Variants in METTL8 observed in about 807,000 individuals in gnomAD.
METTL8 encodes methyltransferase 8, tRNA N3-cytidine.
In METTL8, 32 loss-of-function variants were observed where a neutral mutation model predicts 48.7. The ratio of observed to expected loss-of-function variants is 0.66; its 90% CI spans 0.50 to 0.88. METTL8 has a LOEUF of 0.88. Ranked by LOEUF, METTL8 falls within the 40% of genes least tolerant of loss-of-function variation. The pLI, the probability that METTL8 is intolerant of heterozygous loss-of-function variation, is 0.00. For synonymous variants in METTL8, 136 were observed against 157.1 expected (o/e 0.87, Z 1.01); for missense variants, 464 against 474.4 (o/e 0.98, Z 0.20).
chr2:171,342,206 C>T (rs550215738), intron 3 of METTL8, among the ~76,000 whole-genome samples: 1 of 152,288 alleles, frequency 6.6e-6, no homozygotes. Flanking sequence ...TGGATCTCCA[C>T]CCATCTGGCC....
chr2:171,386,511 C>A (rs980398612), intron 2 of METTL8, among the ~76,000 whole-genome samples: 10 of 152,186 alleles, frequency 6.6e-5, no homozygotes, highest in African/African-American at 2.4e-4. Flanking sequence ...CGCCTGTAAT[C>A]CCAGTACTTT....
intron 1 of METTL8, among the ~76,000 whole-genome samples, chr2:171,410,574 G>A (rs753018615): frequency 6.6e-6 from 1 of 152,164 alleles, no homozygotes; most frequent in Non-Finnish European, 1.5e-5. Flanking sequence ...CTTCAAATAA[G>A]TGACTTTAAG....
At chr2:171,351,477 T>C (rs1255317076) in intron 3 of METTL8, among the ~76,000 whole-genome samples, 3 of 152,100 alleles carry the variant, frequency 2.0e-5, no homozygotes, top group African/African-American at 7.3e-5. Flanking sequence ...AACTTTCAAG[T>C]AGTTTTTTCC....
Position 171,326,122 on chromosome 2 carries a change from G to T in METTL8, c.887C>A (p.Ser296Tyr), listed in dbSNP as rs758315457. The change falls in exon 8 of 10, where the codon TCC becomes TAC. Residue 296 changes from serine to tyrosine, a missense_variant. Coordinates refer to ENST00000375258, the MANE Select transcript of METTL8 (RefSeq NM_001321154.2). ...DRMQGVVNRL[S>Y]KLLKPGGMLL... ...CATTCCCCCAGGTTTCAGTAACTTG[G>T]ACAGTCGGTTTACAACACCTTGCAT... 24 of 1,546,902 alleles carry T rather than the reference G, an allele frequency of 1.6e-5. No individual in the cohort carries two copies. Among genetic ancestry groups the T allele is most frequent in the Non-Finnish European group, 2.0e-5 (23 of 1,143,914 alleles).
At position 171,317,425 on chromosome 2, in the gene METTL8, T is replaced by A. The variant is rs968890553; in HGVS notation, c.*6747A>T. The A allele has an allele frequency of 2.0e-5, 3 of 152,242 alleles. No individual in the cohort carries two copies. The highest frequency in any genetic ancestry group is 4.4e-5 in the Non-Finnish European group (3 of 68,068). The allele number at this position is 152,242 out of a possible 1,614,324, so 9.4% of individuals were successfully genotyped here. ...GCTTTAGGAGGCAATCAAAGGCTCA[T>A]TTTATTTGATAGGTAACATCTGATA... On this transcript the variant is annotated 3_prime_UTR_variant, in exon 10 of 10. Coordinates refer to ENST00000375258, the MANE Select transcript of METTL8 (RefSeq NM_001321154.2).
At chr2:171,343,642 ACTT>A in intron 3 of METTL8, among the ~76,000 whole-genome samples, 1 of 152,254 alleles carries the variant, frequency 6.6e-6, no homozygotes, top group South Asian at 2.1e-4. Flanking sequence ...AGCTGTATCT[ACTT>A]CTTACACAAA....
At chr2:171,324,396 A>G (rs1318052179) in intron 9 of METTL8, 34 bp from the exon 10 acceptor site, 29 of 1,534,030 alleles carry the variant, frequency 1.9e-5, no homozygotes, top group Non-Finnish European at 2.6e-5. Flanking sequence ...AAGATATGAC[A>G]TGTGACTAGA....
At chr2:171,361,935 G>A (rs531350418) in intron 2 of METTL8, among the ~76,000 whole-genome samples, 55 of 152,300 alleles carry the variant, frequency 3.6e-4, no homozygotes, top group African/African-American at 1.3e-3. Flanking sequence ...ATGCAGCTGG[G>A]GCAAATAGGA....
intron 3 of METTL8, among the ~76,000 whole-genome samples, chr2:171,349,914 C>A (rs138987026): frequency 2.0e-5 from 3 of 151,828 alleles, no homozygotes; most frequent in Admixed American, 2.0e-4. Context: ...TAATTTAATA[C>A]CTTCTAATCA....
chr2:171,406,613 C>A (rs1690204306), intron 1 of METTL8, among the ~76,000 whole-genome samples: 2 of 152,152 alleles, frequency 1.3e-5, no homozygotes, highest in Non-Finnish European at 2.9e-5. Context: ...ACTCCTAAGA[C>A]CTCACTTGAT....
chr2:171,328,667 C>T (rs566030179), intron 7 of METTL8, among the ~76,000 whole-genome samples: 10 of 152,152 alleles, frequency 6.6e-5, no homozygotes, highest in African/African-American at 2.2e-4. Flanking sequence ...TGCAGTACCA[C>T]GCCCAGCTAA....
At chr2:171,343,891 T>C (rs190968307) in intron 3 of METTL8, among the ~76,000 whole-genome samples, 10 of 152,330 alleles carry the variant, frequency 6.6e-5, no homozygotes, top group African/African-American at 2.4e-4. Context: ...ACTGTTTTAA[T>C]TTTTACAATT....
upstream of METTL8, chr2:171,434,556 C>T: frequency 6.6e-7 from 1 of 1,525,292 alleles, no homozygotes; most frequent in Non-Finnish European, 8.8e-7. Flanking sequence ...CCCAGCCTAC[C>T]CAGGGCCCGG....
At chr2:171,362,063 A>G (rs187427950) in intron 2 of METTL8, among the ~76,000 whole-genome samples, 37 of 152,316 alleles carry the variant, frequency 2.4e-4, no homozygotes, top group Admixed American at 2.2e-3. Context: ...AAAAAACTCC[A>G]TTTTGACTGG....
chr2:171,399,834 G>A (rs1166694175), intron 1 of METTL8, among the ~76,000 whole-genome samples: 1 of 151,914 alleles, frequency 6.6e-6, no homozygotes, highest in African/African-American at 2.4e-5. Flanking sequence ...TTTGCAAATT[G>A]AAAAAATATT....
intron 2 of METTL8, among the ~76,000 whole-genome samples, chr2:171,365,620 A>G (rs1410315653): frequency 1.3e-5 from 2 of 152,186 alleles, no homozygotes; most frequent in Non-Finnish European, 2.9e-5. Context: ...CTCCAACACA[A>G]AGTCATATTT....
chr2:171,418,577 C>T (rs964006451), intron 1 of METTL8, among the ~76,000 whole-genome samples: 2 of 152,082 alleles, frequency 1.3e-5, no homozygotes, highest in African/African-American at 4.8e-5. Context: ...ACCAGGGATA[C>T]TTATGTTATA....
At chr2:171,400,095 T>C (rs891943531) in intron 1 of METTL8, among the ~76,000 whole-genome samples, 7 of 152,126 alleles carry the variant, frequency 4.6e-5, no homozygotes, top group African/African-American at 1.7e-4. Context: ...CCTAAGCACT[T>C]ATATACAGTA....
intron 2 of METTL8, among the ~76,000 whole-genome samples, chr2:171,366,402 C>T (rs1004627232): frequency 6.6e-6 from 1 of 152,160 alleles, no homozygotes; most frequent in East Asian, 1.9e-4. Context: ...AATTTAACCA[C>T]TTGCCAGAAA....
Sources: gnomAD v4.1 joint callset for allele counts (sites outside exome capture counted in the v4.1 genomes callset) on GRCh38, gnomAD v4.1.1 for gene constraint, MANE v1.5 for transcripts, NCBI Gene and HGNC (gene_info 2026-07-23, HGNC 2026-07-21) for gene names.